The following DPY19L3 variants were observed in gnomAD, a reference collection of about 807,000 sequenced individuals.
DPY19L3 encodes protein C-mannosyl-transferase DPY19L3.
Under a neutral mutation model 92.3 loss-of-function variants are expected in DPY19L3, and 51 were observed. The ratio of observed to expected loss-of-function variants is 0.55; its 90% CI spans 0.44 to 0.70. The LOEUF is 0.70. Among genes scored for constraint, DPY19L3 ranks in the 30% least tolerant of loss-of-function variants. The probability of loss-of-function intolerance (pLI) is 0.00; values close to 1 mark genes in which losing one functional copy is unlikely to be tolerated. For missense variants in DPY19L3, 706 were observed against 855.9 expected (o/e 0.82, Z 2.18); for synonymous variants, 309 against 315.2 (o/e 0.98, Z 0.21).
At chr19:32,467,990 T>C in intron 15 of DPY19L3, 1 of 985,014 alleles carries the variant, frequency 1.0e-6, no homozygotes, top group Non-Finnish European at 1.2e-6. Flanking sequence ...CATTTAAATA[T>C]TATTCTCTTT....
chr19:32,408,006 C>A (rs1169720786), intron 1 of DPY19L3, among the ~76,000 whole-genome samples: 1 of 151,882 alleles, frequency 6.6e-6, no homozygotes, highest in African/African-American at 2.4e-5. Flanking sequence ...ATCACCTGAG[C>A]CTGTGGAAGT....
chr19:32,428,211 AT>A (rs1968833745), intron 3 of DPY19L3: 1 of 152,158 alleles, frequency 6.6e-6, no homozygotes, highest in Non-Finnish European at 1.5e-5. Flanking sequence ...ACCTCAGGTG[AT>A]CTGCCCACCT....
rs1205052421 is a variant in DPY19L3, at chr19:32,447,096, C to T, written c.856-6049C>T. On this transcript the variant is annotated intron_variant, in intron 8 of 18. Transcript: ENST00000392250. ...TACTTGGGAATTAAGCTCACTATTA[C>T]ATCTATAGTAGTAATAGCCAGAATA... 2.0e-5 allele frequency among the ~76,000 whole-genome samples: 3 copies of T among 152,128 alleles called. No individual in the cohort carries two copies. The East Asian group carries it at 5.8e-4, about 29-fold the overall frequency.
chr19:32,445,440 C>CAAAAAAAAA (rs71336904), intron 8 of DPY19L3, among the ~76,000 whole-genome samples: 1,083 of 42,690 alleles, frequency 0.025, 205 homozygotes, highest in African/African-American at 0.044. Flanking sequence ...GACTTCATCT[C>CAAAAAAAAA]AAAAAAAAAA....
intron 8 of DPY19L3, 62 bp from the exon 9 acceptor site, chr19:32,453,083 T>C (rs1969755960): frequency 6.3e-7 from 1 of 1,587,876 alleles, no homozygotes; most frequent in Non-Finnish European, 8.6e-7. Flanking sequence ...ATGACCAACA[T>C]GTCGACATGT....
intron 11 of DPY19L3, 26 bp from the exon 12 acceptor site, chr19:32,458,325 T>C: frequency 6.2e-7 from 1 of 1,605,796 alleles, no homozygotes. Flanking sequence ...TTGAATTTAA[T>C]ACTTTGCTTT....
At chr19:32,448,276 A>G (rs1164543876) in intron 8 of DPY19L3, among the ~76,000 whole-genome samples, 1 of 152,196 alleles carries the variant, frequency 6.6e-6, no homozygotes, top group African/African-American at 2.4e-5. Context: ...TTAAACAGAT[A>G]TTAACTGTGG....
In DPY19L3 at chr19:32,477,634, C is replaced by T. The variant is rs752688679; in HGVS notation, c.1810C>T (p.Leu604=). 3.1e-6 allele frequency: 5 copies of T among 1,614,020 alleles called. No individual in the cohort carries two copies. The highest frequency in any genetic ancestry group is 4.2e-6 in the Non-Finnish European group (5 of 1,180,044). Residue 604 remains leucine, a synonymous_variant, in exon 17 of 19, where the codon CTG becomes TTG. Coordinates refer to ENST00000392250, the MANE Select transcript of DPY19L3 (RefSeq NM_001172774.2). ...CCACCCGCACTATGAAGACAGCAGCCTGAGAGAGCGGACCAGAGCGGTGAG... is the reference window on the plus strand; with the variant it reads ...CCACCCGCACTATGAAGACAGCAGCTTGAGAGAGCGGACCAGAGCGGTGAG... ...TNHPHYEDSS[L]RERTRAVYQI...
At chr19:32,432,967 G>T (rs543369022) in intron 4 of DPY19L3, among the ~76,000 whole-genome samples, 161 bp downstream of exon 4, 2 of 152,260 alleles carry the variant, frequency 1.3e-5, no homozygotes, top group South Asian at 2.1e-4. Flanking sequence ...TGCTCTGGAA[G>T]AAGTTATGTA....
At chr19:32,451,487 A>T (rs17639548) in intron 8 of DPY19L3, among the ~76,000 whole-genome samples, 4,795 of 152,294 alleles carry the variant, frequency 0.031, 93 homozygotes, top group Middle Eastern at 0.088. Context: ...AAGCAAAAGC[A>T]CTGAACTGCT....
intron 17 of DPY19L3, among the ~76,000 whole-genome samples, chr19:32,478,350 C>T (rs11883143): frequency 0.24 from 36,111 of 151,974 alleles, 5,173 homozygotes; most frequent in African/African-American, 0.42. Context: ...CATTTGGGAG[C>T]AAAGCTTTTG....
intron 12 of DPY19L3, among the ~76,000 whole-genome samples, chr19:32,460,113 C>T (rs1361102221): frequency 6.6e-6 from 1 of 151,728 alleles, no homozygotes. Context: ...AGAATAGGTA[C>T]AGTAAAAATA....
intron 10 of DPY19L3, among the ~76,000 whole-genome samples, chr19:32,456,275 G>C (rs1969863411): frequency 6.6e-6 from 1 of 151,832 alleles, no homozygotes; most frequent in South Asian, 2.1e-4. Flanking sequence ...AGGTTTTGCT[G>C]TGTTGCCCAG....
intron 13 of DPY19L3, 21 bp downstream of exon 13, chr19:32,463,509 T>G (rs779172414): frequency 1.2e-5 from 19 of 1,605,498 alleles, no homozygotes; most frequent in Non-Finnish European, 1.5e-5. Flanking sequence ...CTTACCTGTT[T>G]GTTTACTTTT....
rs575762020 is a variant in DPY19L3 at position 32,484,932 on chromosome 19, A to G, written c.*2692A>G. The G allele has an allele frequency of 2.0e-5, 3 of 152,362 alleles. No individual in the cohort carries two copies. Among genetic ancestry groups the G allele is most frequent in the Non-Finnish European group, 4.4e-5 (3 of 68,028 alleles). The allele number at this position is 152,362 out of a possible 1,614,324, so 9.4% of individuals were successfully genotyped here. A position where few individuals can be genotyped will look rare whatever the true frequency, so the allele number is the denominator to read the frequency against. ...AATATTATAAGATATTGGGGAAAAT[A>G]TACAAATCAAGAAAATTTCTGAGCT... On this transcript the variant is annotated 3_prime_UTR_variant, in exon 19 of 19. Coordinates refer to ENST00000392250, the MANE Select transcript of DPY19L3 (RefSeq NM_001172774.2).
intron 16 of DPY19L3, 162 bp downstream of exon 16, chr19:32,468,975 G>GTCTTTT: frequency 1.7e-6 from 1 of 579,574 alleles, no homozygotes; most frequent in East Asian, 3.5e-5. Context: ...TGAAAATAAT[G>GTCTTTT]TCTTTCTATT....
chr19:32,424,165 A>T (rs917785177), intron 3 of DPY19L3, among the ~76,000 whole-genome samples: 13 of 151,928 alleles, frequency 8.6e-5, no homozygotes, highest in South Asian at 2.1e-4. Flanking sequence ...AAAAATTTTT[A>T]AAAAATTAGC....
At chr19:32,413,085 A>G (rs1599584916) in intron 3 of DPY19L3, 1 of 152,314 alleles carries the variant, frequency 6.6e-6, no homozygotes, top group South Asian at 2.1e-4. Context: ...TTGCATCCAA[A>G]TATACCTTAC....
At chr19:32,447,758 TAGATAGATAGATA>T (rs1568343792) in intron 8 of DPY19L3, among the ~76,000 whole-genome samples, 41 of 148,370 alleles carry the variant, frequency 2.8e-4, no homozygotes, top group African/African-American at 9.8e-4. Context: ...GATAGATAGA[TAGATAGATAGATA>T]GATAGATTAG....
Sources: allele counts gnomAD v4.1 joint callset (sites outside exome capture counted in the v4.1 genomes callset), GRCh38; gene constraint gnomAD v4.1.1; transcripts MANE v1.5; gene names NCBI Gene and HGNC (gene_info 2026-07-23, HGNC 2026-07-21).